Variants in LIMS4 observed in about 807,000 individuals in gnomAD.
LIMS4 encodes the protein LIM and senescent cell antigen-like-containing domain protein 4.
the LIMS4 span, chr2:110,376,203 G>A: frequency 2.9e-5 from 4 of 138,182 alleles, no homozygotes; most frequent in South Asian, 2.2e-4. Flanking sequence ...TAGGGGGAAC[G>A]AGTACAGGAT....
chr2:110,407,740 T>C, the LIMS4 span, among the ~76,000 whole-genome samples: 1 of 100,620 alleles, frequency 9.9e-6, no homozygotes. Flanking sequence ...ACCACTGAAC[T>C]CCAGCCCAGG....
chr2:110,372,645 A>G, the LIMS4 span, among the ~76,000 whole-genome samples: 1 of 149,048 alleles, frequency 6.7e-6, no homozygotes, highest in Non-Finnish European at 1.5e-5. Flanking sequence ...AGCTGGAATT[A>G]CAGGCACCTG....
chr2:110,361,973 CAA>C, the LIMS4 span: 1 of 1,241,718 alleles, frequency 8.1e-7, no homozygotes, highest in Non-Finnish European at 1.1e-6. Flanking sequence ...ACGTACACAT[CAA>C]AAACCAACTC....
chr2:110,419,619 G>A, the LIMS4 span, among the ~76,000 whole-genome samples: 1 of 16,306 alleles, frequency 6.1e-5, no homozygotes, highest in Non-Finnish European at 9.5e-5. Flanking sequence ...CAGCCTGGGC[G>A]ACAGAGCGAG....
At chr2:110,372,861 G>A in the LIMS4 span, among the ~76,000 whole-genome samples, 4 of 144,078 alleles carry the variant, frequency 2.8e-5, no homozygotes, top group Non-Finnish European at 5.9e-5. Context: ...CTGTGAATGT[G>A]CCAAATCTCG....
chr2:110,433,410 C>T, the LIMS4 span: 1 of 147,362 alleles, frequency 6.8e-6, no homozygotes, highest in Non-Finnish European at 1.5e-5. Context: ...GGTAGGTTTC[C>T]CCCTTCTTAC....
chr2:110,390,107 C>G, the LIMS4 span, among the ~76,000 whole-genome samples: 4 of 129,374 alleles, frequency 3.1e-5, no homozygotes, highest in Admixed American at 2.3e-4. Flanking sequence ...TGGGTCACCC[C>G]AAGAGTCCCA....
the LIMS4 span, among the ~76,000 whole-genome samples, chr2:110,395,094 T>G: frequency 7.0e-6 from 1 of 142,758 alleles, no homozygotes; most frequent in Non-Finnish European, 1.5e-5. Context: ...TTGAGGAGGC[T>G]CCTGGCCTGC....
chr2:110,390,681 G>A, the LIMS4 span, among the ~76,000 whole-genome samples: 1 of 149,542 alleles, frequency 6.7e-6, no homozygotes, highest in African/African-American at 2.5e-5. Flanking sequence ...AGTCCGAGCT[G>A]GTCCGTGGTA....
the LIMS4 span, among the ~76,000 whole-genome samples, chr2:110,390,657 G>A: frequency 6.7e-6 from 1 of 148,838 alleles, no homozygotes. Context: ...CCTATTGTCA[G>A]CATCCATCTC....
chr2:110,453,539 TA>T (rs1392216808), intron 5 of LIMS4, among the ~76,000 whole-genome samples: 1 of 124,184 alleles, frequency 8.1e-6, no homozygotes, highest in African/African-American at 3.6e-5. Flanking sequence ...TAGTAAAGAA[TA>T]TTTTTTTAAT....
the LIMS4 span, among the ~76,000 whole-genome samples, chr2:110,425,289 A>T: frequency 7.0e-6 from 1 of 142,840 alleles, no homozygotes; most frequent in Non-Finnish European, 1.5e-5. Context: ...GCAGAGATGA[A>T]GGATGGCTTG....
At chr2:110,359,225 AG>A in the LIMS4 span, 2 of 143,142 alleles carry the variant, frequency 1.4e-5, no homozygotes, top group Non-Finnish European at 1.5e-5. Context: ...AGACCTTTCG[AG>A]GAACCGAACA....
the LIMS4 span, among the ~76,000 whole-genome samples, chr2:110,392,446 AAAAG>A: frequency 2.3e-5 from 3 of 128,672 alleles, no homozygotes; most frequent in African/African-American, 6.1e-5. Context: ...CAAAAAAAAA[AAAAG>A]AAAGAAAGAA....
the LIMS4 span, chr2:110,397,370 C>G: frequency 7.5e-5 from 11 of 146,520 alleles, no homozygotes; most frequent in Non-Finnish European, 1.5e-4. Flanking sequence ...TTCATCACTA[C>G]AAAACACACA....
the LIMS4 span, chr2:110,433,583 C>T: frequency 1.4e-5 from 2 of 145,502 alleles, no homozygotes; most frequent in African/African-American, 2.6e-5. Flanking sequence ...GTGTTTTGTC[C>T]ATCCATGTGG....
At chr2:110,382,152 CAT>C in the LIMS4 span, among the ~76,000 whole-genome samples, 43 of 43,916 alleles carry the variant, frequency 9.8e-4, no homozygotes, top group African/African-American at 4.3e-3. Context: ...TATATATATA[CAT>C]GTTTGAACAT....
At chr2:110,385,230 T>C in the LIMS4 span, among the ~76,000 whole-genome samples, 15 of 151,066 alleles carry the variant, frequency 9.9e-5, no homozygotes, top group African/African-American at 1.7e-4. Context: ...AACAAACAAA[T>C]AAATAAAAGC....
the LIMS4 span, among the ~76,000 whole-genome samples, chr2:110,371,251 A>AC: frequency 7.8e-6 from 1 of 128,596 alleles, no homozygotes; most frequent in South Asian, 2.4e-4. Flanking sequence ...AAAAAAAAAA[A>AC]AAAACAAGTC....
Sources: gnomAD v4.1 joint callset for allele counts (sites outside exome capture counted in the v4.1 genomes callset) on GRCh38, gnomAD v4.1.1 for gene constraint, MANE v1.5 for transcripts, NCBI Gene and HGNC (gene_info 2026-07-23, HGNC 2026-07-21) for gene names.